The following SLC17A9 variants were observed in gnomAD, a reference collection of about 807,000 sequenced individuals.
SLC17A9 encodes the protein solute carrier family 17 member 9, also known as voltage-gated purine nucleotide uniporter SLC17A9.
SLC17A9 carries 49 observed loss-of-function variants against 55.0 expected under a neutral mutation model. The ratio of observed to expected loss-of-function variants is 0.89; its 90% CI spans 0.71 to 1.13. The LOEUF is 1.13. Ranked by LOEUF, SLC17A9 falls within the 50% of genes most tolerant of loss-of-function variation. The pLI is 0.00. For synonymous variants in SLC17A9, 256 were observed against 247.4 expected, an observed-to-expected ratio of 1.03 and a Z score of -0.32; for missense variants, 526 against 569.3, an observed-to-expected ratio of 0.92 and a Z score of 0.77.
chr20:62,964,370 T>A, intron 8 of SLC17A9, 55 bp downstream of exon 8: 1 of 1,563,952 alleles, frequency 6.4e-7, no homozygotes, highest in Non-Finnish European at 8.8e-7. Context: ...TCACCTCGCT[T>A]TCGAGGGGCA....
chr20:62,952,868 C>G lies in SLC17A9; in HGVS notation c.38C>G (p.Ala13Gly). 1 of 1,277,564 alleles carries G rather than the reference C, an allele frequency of 7.8e-7. No individual in the cohort carries two copies. Among genetic ancestry groups the G allele is most frequent in the Non-Finnish European group, 1.0e-6 (1 of 986,454 alleles). The allele number at this position is 1,277,564 out of a possible 1,614,324, so 79.1% of individuals were successfully genotyped here. A position where few individuals can be genotyped will look rare whatever the true frequency, so the allele number is the denominator to read the frequency against. ...CCAGACGAGGCCCGCAGGGACATGG[C>G]CGGGGACACCCAGTGGTCCAGGTGT... is the stretch of plus-strand genomic sequence containing the variant. Reference protein sequence around the residue: ...PPPDEARRDMAGDTQWSRPEC... With the variant: ...PPPDEARRDMGGDTQWSRPEC... The change falls in exon 1 of 13, where the codon GCC becomes GGC. Residue 13 changes from alanine (A) to glycine (G), a missense_variant. By Grantham distance (60) the Ala-to-Gly change is moderately conservative (BLOSUM62 0). Coordinates refer to ENST00000370351, the MANE Select transcript of SLC17A9 (RefSeq NM_022082.4).
rs2147648990 is a variant in SLC17A9 at position 62,958,177 on chromosome 20, A to G, written c.397+597A>G. On this transcript the variant is annotated intron_variant, in intron 3 of 12. Transcript: ENST00000370351. This position sits in a 1 kb window ranked among gnomAD's most constrained non-coding sequence, Gnocchi z 4.1. ...CCCGTATGAGGGTGTACGTGTGGCC[A>G]TGTGTGTGCCTTCTGTAGGTGCACA... Among the ~76,000 whole-genome samples the G allele has an allele frequency of 6.6e-6, 1 of 152,238 alleles. No homozygotes were observed. The highest frequency in any genetic ancestry group is 2.4e-5 in the African/African-American group (1 of 41,550).
At position 62,952,721 on chromosome 20, in the gene SLC17A9, G is replaced by T. The variant is rs1432751862; in HGVS notation, c.-110G>T. On this transcript the variant is annotated 5_prime_UTR_variant, in exon 1 of 13. Coordinates refer to ENST00000370351, the MANE Select transcript of SLC17A9 (RefSeq NM_022082.4). The stretch of plus-strand genomic sequence containing the variant: ...TCCTGAGAGAACCAGACGGAAGCGC[G>T]CTGGGACTGACACGTGGACTTGGGC... 9 of 1,175,972 alleles carry T rather than the reference G, an allele frequency of 7.7e-6. No individual in the cohort carries two copies. In the Admixed American group the frequency reaches 1.5e-4, roughly 19 times the overall value. The allele number at this position is 1,175,972 out of a possible 1,614,324, so 72.8% of individuals were successfully genotyped here. A position where few individuals can be genotyped will look rare whatever the true frequency, so the allele number is the denominator to read the frequency against.
intron 6 of SLC17A9, 92 bp from the exon 7 acceptor site, chr20:62,963,492 C>T: frequency 6.6e-7 from 1 of 1,511,772 alleles, no homozygotes; most frequent in South Asian, 1.2e-5. Context: ...AAGTGGGACT[C>T]TGGCCCCCAG....
At chr20:62,965,529 G>C in intron 9 of SLC17A9, 81 bp from the exon 10 acceptor site, 6 of 1,336,066 alleles carry the variant, frequency 4.5e-6, no homozygotes, top group Non-Finnish European at 6.3e-6. Context: ...GCCCAGGGGG[G>C]CTTTCGGGCA....
At chr20:62,959,521 G>A (rs757297326) in intron 3 of SLC17A9, among the ~76,000 whole-genome samples, 1 of 152,348 alleles carries the variant, frequency 6.6e-6, no homozygotes. Flanking sequence ...GTTTGTGCAC[G>A]CTGTCTTCGG....
intron 8 of SLC17A9, among the ~76,000 whole-genome samples, chr20:62,964,729 G>A (rs915027657): frequency 6.6e-5 from 10 of 152,210 alleles, no homozygotes; most frequent in South Asian, 2.1e-4. Flanking sequence ...ATGCACACGC[G>A]TGCCCACATG....
intron 4 of SLC17A9, among the ~76,000 whole-genome samples, chr20:62,961,488 G>A (rs1293921156): frequency 3.3e-5 from 5 of 152,210 alleles, no homozygotes; most frequent in African/African-American, 1.2e-4. Context: ...CCTGGATCGA[G>A]GCCAGGCCAG....
Position 62,960,600 on chromosome 20 carries a change from T to A in SLC17A9, c.494T>A (p.Phe165Tyr), listed in dbSNP as rs2065581231. ...AGCATCGTGGGCGCCGGCTCCCAGTTTGGGTAAGTCCTGGCCTAAGACGGG... is the reference window on the plus strand; with the variant it reads ...AGCATCGTGGGCGCCGGCTCCCAGTATGGGTAAGTCCTGGCCTAAGACGGG... ...TYSIVGAGSQ[F>Y]GTLLTGAVGS... is the part of the protein sequence containing the mutation. Residue 165 changes from phenylalanine (F) to tyrosine (Y), a missense_variant, in exon 4 of 13, where the codon TTT (phenylalanine) becomes TAT (tyrosine). Phe to Tyr is a conservative substitution (Grantham distance 22, BLOSUM62 3). Coordinates refer to ENST00000370351, the MANE Select transcript of SLC17A9 (RefSeq NM_022082.4). 1.8e-5 allele frequency: 29 copies of A among 1,611,120 alleles called. No individual in the cohort carries two copies. Among genetic ancestry groups the A allele is most frequent in the Non-Finnish European group, 2.5e-5 (29 of 1,179,340 alleles).
chr20:62,958,288 T>A lies in SLC17A9; in HGVS notation c.397+708T>A, dbSNP rs1236226782. 6.6e-6 allele frequency among the ~76,000 whole-genome samples: 1 copy of A among 152,118 alleles called. No homozygotes were observed. Among genetic ancestry groups the A allele is most frequent in the Admixed American group, 6.5e-5 (1 of 15,280 alleles). ...GAATTTTGTCACCAAACGCCTTAGT[T>A]CAGTGGTGGATTCCAGCTGCAAGGG... On this transcript the variant is annotated intron_variant, in intron 3 of 12. Transcript: ENST00000370351. The surrounding 1 kb of genome is among the most constrained non-coding windows in gnomAD (Gnocchi z 4.1).
At chr20:62,966,834 G>A (rs983198813) in intron 12 of SLC17A9, 102 bp downstream of exon 12, 27 of 1,436,326 alleles carry the variant, frequency 1.9e-5, no homozygotes, top group Non-Finnish European at 2.3e-5. Flanking sequence ...GAGGGGGTCC[G>A]GGTGTCAGAG....
chr20:62,963,674 C>T lies in SLC17A9; in HGVS notation c.816C>T (p.Asp272=), dbSNP rs199720748. 3.0e-4 allele frequency: 478 copies of T among 1,593,834 alleles called. 4 individuals carry two copies. The African/African-American group carries it at 4.5e-3, about 15-fold the overall frequency. Residue 272 remains aspartate (D), a synonymous_variant, in exon 7 of 13, where the codon GAC becomes GAT. Coordinates refer to ENST00000370351, the MANE Select transcript of SLC17A9 (RefSeq NM_022082.4). ...CCTTCTTCGAGGAGACCTTCCCCGA[C>T]GCCAAGGTGAGTCGGGGGCTCCCGC... ...LPTFFEETFP[D]AKGWIFNVVP... is the part of the protein sequence containing the mutation.
intron 1 of SLC17A9, among the ~76,000 whole-genome samples, chr20:62,955,937 A>C (rs1380578379): frequency 2.0e-5 from 3 of 152,202 alleles, no homozygotes; most frequent in African/African-American, 7.2e-5. Context: ...AACCACACTC[A>C]CTGCCAAGTT....
chr20:62,959,603 C>A (rs2065571625), intron 3 of SLC17A9, among the ~76,000 whole-genome samples: 1 of 152,188 alleles, frequency 6.6e-6, no homozygotes, highest in Non-Finnish European at 1.5e-5. Flanking sequence ...TGGAGGGAGC[C>A]CCAGGAGCTC....
chr20:62,966,403 A>G (rs1214060560), intron 10 of SLC17A9, 122 bp from the exon 11 acceptor site: 1 of 1,096,106 alleles, frequency 9.1e-7, no homozygotes, highest in East Asian at 2.4e-5. Flanking sequence ...AGCAGGCCTG[A>G]GCGTGTCCCA....
At chr20:62,956,984 C>T (rs573292536) in intron 2 of SLC17A9, 22 bp downstream of exon 2, 4 of 1,612,902 alleles carry the variant, frequency 2.5e-6, no homozygotes, top group African/African-American at 1.3e-5. Flanking sequence ...TCTTCCCCAT[C>T]TCCTGGCTGG....
At position 62,963,644 on chromosome 20, in the gene SLC17A9, G is replaced by A. The variant is rs1383855430; in HGVS notation, c.786G>A (p.Leu262=). The change falls in exon 7 of 13, where the codon CTG becomes CTA. Residue 262 remains leucine, a synonymous_variant. Transcript: ENST00000370351. ...ACSFFILLSW[L]PTFFEETFPD... ...CCTTCTTCATCCTCCTCTCCTGGCTGCCCACCTTCTTCGAGGAGACCTTCC... is the reference window on the plus strand; with the variant it reads ...CCTTCTTCATCCTCCTCTCCTGGCTACCCACCTTCTTCGAGGAGACCTTCC... 2.5e-6 allele frequency: 4 copies of A among 1,603,344 alleles called. No homozygotes were observed. The highest frequency in any genetic ancestry group is 3.4e-6 in the Non-Finnish European group (4 of 1,175,090).
chr20:62,967,485 C>G lies in SLC17A9; in HGVS notation c.1296C>G (p.Thr432=), dbSNP rs2147663242. The change falls in exon 13 of 13, where the codon ACC becomes ACG. Residue 432 remains threonine, a synonymous_variant. Transcript: ENST00000370351. ...CTCAGAGGGTGGACCTGAGCTCTACCCATGAGGACCTCTAGCTCCCAACCC... is the reference window on the plus strand; with the variant it reads ...CTCAGAGGGTGGACCTGAGCTCTACGCATGAGGACCTCTAGCTCCCAACCC... The part of the protein sequence containing the change: ...GQAQRVDLSS[T]HEDL 6.2e-7 allele frequency: 1 copy of G among 1,613,972 alleles called. No homozygotes were observed.
chr20:62,964,833 G>C (rs1369832623), intron 8 of SLC17A9, among the ~76,000 whole-genome samples: 1 of 152,232 alleles, frequency 6.6e-6, no homozygotes, highest in Non-Finnish European at 1.5e-5. Context: ...AGAAAATCTG[G>C]AGCAGCAGAG....
Sources: gnomAD v4.1 joint callset for allele counts (sites outside exome capture counted in the v4.1 genomes callset) on GRCh38, gnomAD v4.1.1 for gene constraint, Gnocchi (gnomAD v3.1) non-coding constraint, MANE v1.5 for transcripts, NCBI Gene and HGNC (gene_info 2026-07-23, HGNC 2026-07-21) for gene names.